Variants in NBEA observed in about 807,000 individuals in gnomAD.
The protein encoded by NBEA is neurobeachin, also known as lysosomal-trafficking regulator 2.
In NBEA, 44 loss-of-function variants were observed where a neutral mutation model predicts 343.4. The observed-to-expected ratio is 0.13, with a 90% CI of 0.10 to 0.16. The LOEUF is 0.16. Among genes scored for constraint, NBEA ranks in the 10% least tolerant of loss-of-function variants. The pLI is 1.00. For missense variants in NBEA, 2,555 were observed against 3,631.3 expected (o/e 0.70, Z 7.62); for synonymous variants, 1,175 against 1,238.7 (o/e 0.95, Z 1.08).
At chr13:35,440,723 A>G (rs182674600) in intron 39 of NBEA, among the ~76,000 whole-genome samples, 1 of 152,352 alleles carries the variant, frequency 6.6e-6, no homozygotes, top group East Asian at 1.9e-4. Flanking sequence ...TTTATTTGGA[A>G]AATGACAAAC....
intron 34 of NBEA, among the ~76,000 whole-genome samples, chr13:35,278,124 A>T (rs1311527619): frequency 6.8e-6 from 1 of 148,140 alleles, no homozygotes; most frequent in African/African-American, 2.5e-5. Context: ...ATATATATAC[A>T]TAAAATATAT....
At chr13:35,086,060 C>G (rs973868344) in intron 10 of NBEA, among the ~76,000 whole-genome samples, 14 of 152,116 alleles carry the variant, frequency 9.2e-5, no homozygotes, top group African/African-American at 3.4e-4. Flanking sequence ...CTACAAACCA[C>G]TGCTCAATGA....
intron 16 of NBEA, among the ~76,000 whole-genome samples, chr13:35,121,872 T>C (rs189449497): frequency 2.6e-5 from 4 of 152,294 alleles, no homozygotes; most frequent in Admixed American, 6.5e-5. Flanking sequence ...TACCTCAAAA[T>C]ATGCCATGGC....
At chr13:34,997,020 T>A (rs2060966213) in intron 1 of NBEA, among the ~76,000 whole-genome samples, 1 of 152,034 alleles carries the variant, frequency 6.6e-6, no homozygotes, top group Non-Finnish European at 1.5e-5. Context: ...TACCTGTCTG[T>A]TAGCTTAGTT....
At chr13:35,422,431 G>A (rs938860765) in intron 38 of NBEA, among the ~76,000 whole-genome samples, 14 of 151,752 alleles carry the variant, frequency 9.2e-5, no homozygotes, top group East Asian at 3.9e-4. Flanking sequence ...AGTCTGCTGC[G>A]AATGATGGTT....
intron 11 of NBEA, 95 bp from the exon 12 acceptor site, chr13:35,109,195 C>T: frequency 9.6e-7 from 1 of 1,040,450 alleles, no homozygotes; most frequent in Non-Finnish European, 1.4e-6. Flanking sequence ...TTAGGGATAG[C>T]ATATGAAAAA....
chr13:35,247,174 G>T (rs146724800), intron 34 of NBEA, among the ~76,000 whole-genome samples: 263 of 152,242 alleles, frequency 1.7e-3, no homozygotes, highest in African/African-American at 6.2e-3. Context: ...CCAGGCAGTG[G>T]GTGAGCAGGG....
intron 40 of NBEA, among the ~76,000 whole-genome samples, chr13:35,456,681 G>A (rs1201908105): frequency 6.6e-6 from 1 of 151,834 alleles, no homozygotes; most frequent in Non-Finnish European, 1.5e-5. Flanking sequence ...GTAAGTGAAG[G>A]ATTTAATTAA....
At chr13:35,145,668 CAAAT>C (rs971058469) in intron 18 of NBEA, among the ~76,000 whole-genome samples, 1 of 152,118 alleles carries the variant, frequency 6.6e-6, no homozygotes. Context: ...CAAAAGCAAA[CAAAT>C]AGTGACAGTC....
At chr13:35,290,357 T>C (rs1171026209) in intron 34 of NBEA, 32 bp from the exon 35 acceptor site, 4 of 1,451,072 alleles carry the variant, frequency 2.8e-6, no homozygotes, top group Non-Finnish European at 3.9e-6. Context: ...GCCATTGTAA[T>C]TTCATTTTGT....
At chr13:35,453,993 T>C (rs538803775) in intron 40 of NBEA, among the ~76,000 whole-genome samples, 1 of 152,326 alleles carries the variant, frequency 6.6e-6, no homozygotes, top group South Asian at 2.1e-4. Context: ...AATTTCTGTC[T>C]TTTAATGGAT....
At position 34,981,092 on chromosome 13, in the gene NBEA, C is replaced by T. The variant is rs115237564; in HGVS notation, c.294+37978C>T. On this transcript the variant is annotated intron_variant, in intron 1 of 58. Coordinates refer to ENST00000379939, the MANE Select transcript of NBEA (RefSeq NM_001385012.1). ...TTTGTAGTTATTTCCAATTCCCACC[C>T]CCAGCCTAAGGCAACTACCGATTTA... Among the ~76,000 whole-genome samples the T allele has an allele frequency of 9.5e-3, 1,444 of 152,240 alleles. 21 individuals are homozygous for T. The highest frequency in any genetic ancestry group is 0.033 in the African/African-American group (1,364 of 41,546).
At position 35,654,853 on chromosome 13, in the gene NBEA, A is replaced by G. The variant is rs2153081623; in HGVS notation, c.8036-2A>G. 2 of 1,566,282 alleles carry G rather than the reference A, an allele frequency of 1.3e-6. No homozygotes were observed. The highest frequency in any genetic ancestry group is 1.2e-5 in the South Asian group (1 of 80,470). ...CAAATGCTTTTTTCCATTTACTTTT[A>G]GCCAATAATTCAGGTGTAAACAAAC... On this transcript the variant is annotated splice_acceptor_variant, in intron 53 of 58. Transcript: ENST00000379939. LOFTEE classifies it high-confidence loss of function.
At chr13:35,354,229 T>C (rs1329330678) in intron 38 of NBEA, among the ~76,000 whole-genome samples, 4 of 152,170 alleles carry the variant, frequency 2.6e-5, no homozygotes, top group East Asian at 1.9e-4. Context: ...ACCTGAGCAT[T>C]TTACCCATCT....
intron 38 of NBEA, among the ~76,000 whole-genome samples, chr13:35,389,325 A>G (rs908253472): frequency 6.6e-6 from 1 of 152,120 alleles, no homozygotes; most frequent in African/African-American, 2.4e-5. Context: ...CCTTAAACCC[A>G]TAAGCATTGT....
chr13:35,271,310 A>G (rs1462788110), intron 34 of NBEA, among the ~76,000 whole-genome samples: 1 of 152,228 alleles, frequency 6.6e-6, no homozygotes, highest in African/African-American at 2.4e-5. Context: ...AATAACATCA[A>G]CGTAAACAAA....
chr13:35,318,875 C>A (rs2037934632), intron 36 of NBEA, among the ~76,000 whole-genome samples: 1 of 152,092 alleles, frequency 6.6e-6, no homozygotes, highest in African/African-American at 2.4e-5. Context: ...TCTAGATTTT[C>A]TAGTTTATTT....
intron 34 of NBEA, among the ~76,000 whole-genome samples, chr13:35,240,627 T>C (rs949303977): frequency 3.3e-5 from 5 of 151,876 alleles, no homozygotes; most frequent in African/African-American, 9.7e-5. Context: ...AAAAGAGATA[T>C]AGGAAGAACC....
chr13:35,535,938 T>C (rs1419775013), intron 41 of NBEA, among the ~76,000 whole-genome samples: 1 of 152,150 alleles, frequency 6.6e-6, no homozygotes, highest in African/African-American at 2.4e-5. Context: ...CACAGTAAAA[T>C]AGACCCAATC....
Sources: allele counts gnomAD v4.1 joint callset (sites outside exome capture counted in the v4.1 genomes callset), GRCh38; gene constraint gnomAD v4.1.1; transcripts MANE v1.5; gene names NCBI Gene and HGNC (gene_info 2026-07-23, HGNC 2026-07-21).